YWHAZ: variants seen among roughly 807,000 people sequenced by gnomAD.
The protein encoded by YWHAZ is tyrosine 3-monooxygenase/tryptophan 5-monooxygenase activation protein zeta.
For synonymous variants in YWHAZ, 87 were observed against 103.6 expected (o/e 0.84, Z 0.97); for missense variants, 79 against 284.8 (o/e 0.28, Z 5.20).
chr8:100,920,800 G>GA lies in YWHAZ; in HGVS notation c.679-49_679-48insT. The GA allele has an allele frequency of 1.1e-5, 10 of 950,504 alleles. 4 individuals are homozygous for GA. The highest frequency in any genetic ancestry group is 5.1e-4 in the Middle Eastern group (2 of 3,900). The allele number at this position is 950,504 out of a possible 1,614,324, so 58.9% of individuals were successfully genotyped here. On this transcript the variant is annotated intron_variant, in intron 5 of 5. Coordinates refer to ENST00000395958, the MANE Select transcript of YWHAZ (RefSeq NM_145690.3). ...TTCAGCAAGTTTCAGTGGGATGGGGGGGGGGGGGCGTTTTCATATAAGTGC... is the reference window on the plus strand; with the variant it reads ...TTCAGCAAGTTTCAGTGGGATGGGGGAGGGGGGGGCGTTTTCATATAAGTGC...
intron 1 of YWHAZ, chr8:100,951,496 T>C (rs1810778789): frequency 2.0e-6 from 2 of 985,204 alleles, no homozygotes; most frequent in Admixed American, 1.2e-4. Context: ...CGCCGAGTCA[T>C]TATCTCGGGC....
Position 100,920,869 on chromosome 8 carries a change from T to C in YWHAZ, c.679-117A>G. ...TAGTTGGAAAGCATTCTTAAAAAGATAGCAGCATCACTTAGCTTCAAGATA... is the reference window on the plus strand; with the variant it reads ...TAGTTGGAAAGCATTCTTAAAAAGACAGCAGCATCACTTAGCTTCAAGATA... On this transcript the variant is annotated intron_variant, in intron 5 of 5. Transcript: ENST00000395958. The C allele has an allele frequency of 1.4e-5, 12 of 841,178 alleles. No individual in the cohort carries two copies. The Middle Eastern group carries it at 1.4e-3, about 98-fold the overall frequency. The allele number at this position is 841,178 out of a possible 1,614,324, so 52.1% of individuals were successfully genotyped here.
chr8:100,935,637 C>T (rs1045624050), intron 2 of YWHAZ, among the ~76,000 whole-genome samples: 32 of 152,144 alleles, frequency 2.1e-4, no homozygotes, highest in African/African-American at 7.5e-4. Flanking sequence ...CTCCAGGTTT[C>T]TATGTAATGA....
At chr8:100,935,092 G>A (rs1208236583) in intron 2 of YWHAZ, 2 of 152,068 alleles carry the variant, frequency 1.3e-5, no homozygotes, top group African/African-American at 2.4e-5. Context: ...GGGAGGCAGA[G>A]GTTGCAGTGA....
rs904580457 is a variant in YWHAZ at position 100,926,401 on chromosome 8, C to G, written c.295-1362G>C. Among the ~76,000 whole-genome samples the G allele has an allele frequency of 8.5e-5, 13 of 152,248 alleles. No individual in the cohort carries two copies. In the East Asian group the frequency reaches 1.2e-3, roughly 14 times the overall value. Reference sequence around the variant, plus strand: ...GGCTCATGCCAGTAATCCCAGCACTCTGGGAGGCTAGGGTGGCAGGATCAC... The same window carrying G: ...GGCTCATGCCAGTAATCCCAGCACTGTGGGAGGCTAGGGTGGCAGGATCAC... On this transcript the variant is annotated intron_variant, in intron 2 of 5. Transcript: ENST00000395958.
intron 2 of YWHAZ, among the ~76,000 whole-genome samples, chr8:100,935,400 A>C (rs1288065309): frequency 6.6e-6 from 1 of 152,188 alleles, no homozygotes; most frequent in Non-Finnish European, 1.5e-5. Flanking sequence ...CATCATCAAG[A>C]GTGTATTACC....
rs1208977512 is a variant in YWHAZ, at chr8:100,940,018, G to A, written c.294+8578C>T. Among the ~76,000 whole-genome samples, 18 of 145,198 alleles carry A rather than the reference G, an allele frequency of 1.2e-4. No individual in the cohort carries two copies. The East Asian group carries it at 3.0e-3, about 24-fold the overall frequency. The stretch of plus-strand genomic sequence containing the variant: ...AGCCTGGGGGACAGAGCGAGACTCC[G>A]CGCCACTGCACTCCAGCCTGGGGGA... On this transcript the variant is annotated intron_variant, in intron 2 of 5. Coordinates refer to ENST00000395958, the MANE Select transcript of YWHAZ (RefSeq NM_145690.3).
intron 2 of YWHAZ, among the ~76,000 whole-genome samples, chr8:100,944,785 C>T (rs965033561): frequency 1.3e-5 from 2 of 152,130 alleles, no homozygotes; most frequent in African/African-American, 4.8e-5. Context: ...ACTCTCATTC[C>T]CCACAACCCT....
At position 100,917,430 on chromosome 8, in the gene YWHAZ, AC is replaced by A. The variant is rs34238026; in HGVS notation, c.*3262del. 0.2 allele frequency: 29,892 copies of A among 152,136 alleles called. 3,604 individuals are homozygous for A. Among genetic ancestry groups the A allele is most frequent in the Non-Finnish European group, 0.27 (18,157 of 67,982 alleles). 9.4% of individuals were successfully genotyped at this position (152,136 alleles called of 1,614,324 possible). A position where few individuals can be genotyped will look rare whatever the true frequency, so the allele number is the denominator to read the frequency against. On this transcript the variant is annotated 3_prime_UTR_variant, in exon 6 of 6. Transcript: ENST00000395958. Reference sequence around the variant, plus strand: ...CTCTTAAGTGGCCAATTTAAAAAAAACATACCAGGGTGGGCACAGTGGCTCA... The same window carrying A: ...CTCTTAAGTGGCCAATTTAAAAAAAAATACCAGGGTGGGCACAGTGGCTCA...
chr8:100,938,764 G>A (rs912808832), intron 2 of YWHAZ, among the ~76,000 whole-genome samples: 4 of 152,110 alleles, frequency 2.6e-5, no homozygotes, highest in African/African-American at 4.8e-5. Flanking sequence ...CCTTGTGGCC[G>A]GAGTGGCTTC....
intron 1 of YWHAZ, chr8:100,951,635 G>A (rs954688848): frequency 2.5e-5 from 25 of 985,254 alleles, no homozygotes; most frequent in South Asian, 2.3e-4. Context: ...AGATCCCCAG[G>A]GATCTCGCGT....
Position 100,951,975 on chromosome 8 carries a change from C to T in YWHAZ, c.-58G>A. The T allele has an allele frequency of 2.0e-6, 2 of 1,004,210 alleles. No homozygotes were observed. The highest frequency in any genetic ancestry group is 4.0e-5 in the South Asian group (1 of 24,928). The allele number at this position is 1,004,210 out of a possible 1,614,324, so 62.2% of individuals were successfully genotyped here. On this transcript the variant is annotated 5_prime_UTR_variant, in exon 1 of 6. Transcript: ENST00000395958. The stretch of plus-strand genomic sequence containing the variant: ...GCGGCGGACGGACGGGCTCAGCAGT[C>T]TCTGGGCGGCGGCGGCGGCAGCAGC...
chr8:100,926,970 T>G (rs1455565722), intron 2 of YWHAZ, among the ~76,000 whole-genome samples: 2 of 152,196 alleles, frequency 1.3e-5, no homozygotes, highest in Non-Finnish European at 2.9e-5. Context: ...GGCTTTGGGG[T>G]GAGTCTGGTT....
At chr8:100,937,464 G>A (rs1201889028) in intron 2 of YWHAZ, among the ~76,000 whole-genome samples, 1 of 152,084 alleles carries the variant, frequency 6.6e-6, no homozygotes, top group East Asian at 1.9e-4. Context: ...TTCGCACAAA[G>A]ATAATTAGAC....
chr8:100,931,176 A>C (rs17365661), intron 2 of YWHAZ, among the ~76,000 whole-genome samples: 9,205 of 152,310 alleles, frequency 0.06, 301 homozygotes, highest in African/African-American at 0.084. Flanking sequence ...CAGTTTCCAA[A>C]AGATGCCTTA....
chr8:100,937,485 A>G (rs1277117498), intron 2 of YWHAZ, among the ~76,000 whole-genome samples: 1 of 152,224 alleles, frequency 6.6e-6, no homozygotes, highest in African/African-American at 2.4e-5. Flanking sequence ...ATCGAGTGTC[A>G]TTAGCAAATA....
chr8:100,920,795 T>TCG, intron 5 of YWHAZ, 43 bp from the exon 6 acceptor site: 8 of 88,016 alleles, frequency 9.1e-5, no homozygotes, highest in South Asian at 8.9e-4. Flanking sequence ...TTCAGTGGGA[T>TCG]GGGGGGGGGG....
At position 100,922,797 on chromosome 8, in the gene YWHAZ, G is replaced by GT. The variant is rs1813120810; in HGVS notation, c.678+1157dup. On this transcript the variant is annotated intron_variant, in intron 5 of 5. Transcript: ENST00000395958. The surrounding 1 kb of genome is among the most constrained non-coding windows in gnomAD (Gnocchi z 4.1). Reference sequence around the variant, plus strand: ...CAAAAAGTGATGTGAACAAAACACAGTATCTAGGTCTCAGGTCATCACTTT... The same window carrying GT: ...CAAAAAGTGATGTGAACAAAACACAGTTATCTAGGTCTCAGGTCATCACTTT... 1 of 152,216 alleles carries GT rather than the reference G, an allele frequency of 6.6e-6. No homozygotes were observed. Among genetic ancestry groups the GT allele is most frequent in the Non-Finnish European group, 1.5e-5 (1 of 68,040 alleles). 9.4% of individuals were successfully genotyped at this position (152,216 alleles called of 1,614,324 possible). A position where few individuals can be genotyped will look rare whatever the true frequency, so the allele number is the denominator to read the frequency against.
intron 2 of YWHAZ, among the ~76,000 whole-genome samples, chr8:100,942,293 C>T (rs1355446016): frequency 2.0e-5 from 3 of 152,190 alleles, no homozygotes; most frequent in Non-Finnish European, 2.9e-5. Flanking sequence ...TCCTACACTA[C>T]ACTACTACTT....
Sources: gnomAD v4.1 joint callset for allele counts (sites outside exome capture counted in the v4.1 genomes callset) on GRCh38, gnomAD v4.1.1 for gene constraint, Gnocchi (gnomAD v3.1) non-coding constraint, MANE v1.5 for transcripts, NCBI Gene and HGNC (gene_info 2026-07-23, HGNC 2026-07-21) for gene names.